The following NANP variants were observed in gnomAD, a reference collection of about 807,000 sequenced individuals.
NANP encodes the protein N-acylneuraminate-9-phosphatase.
A neutral mutation model predicts 16.9 loss-of-function variants in NANP; 15 were observed. The observed-to-expected ratio is 0.89, with a 90% CI of 0.59 to 1.37. The LOEUF is 1.37. Among genes scored for constraint, NANP ranks in the 40% most tolerant of loss-of-function variants. The pLI, the probability that NANP is intolerant of heterozygous loss-of-function variation, is 0.00. For missense variants in NANP, 290 were observed against 303.5 expected (o/e 0.96, Z 0.33); for synonymous variants, 135 against 112.6 (o/e 1.20, Z -1.26).
At chr20:25,618,321 C>T (rs182700063) in intron 1 of NANP, among the ~76,000 whole-genome samples, 147 of 151,998 alleles carry the variant, frequency 9.7e-4, no homozygotes, top group African/African-American at 3.4e-3. Context: ...GCAGAAAAAG[C>T]GGGTTTGGGA....
chr20:25,623,959 G>T lies in NANP; in HGVS notation c.-11C>A. 1.2e-6 allele frequency: 2 copies of T among 1,611,178 alleles called. No homozygotes were observed. The highest frequency in any genetic ancestry group is 1.7e-6 in the Non-Finnish European group (2 of 1,179,174). ...GCGGCTCAGCCCCATAGCGCCGGCC[G>T]CTGGCGCGAACCGTAGCCTTGCCAC... On this transcript the variant is annotated 5_prime_UTR_variant, in exon 1 of 2. Coordinates refer to ENST00000304788, the MANE Select transcript of NANP (RefSeq NM_152667.3).
rs1230661552 is a variant in NANP, at chr20:25,614,145, G to C, written c.*1780C>G. 3.5e-6 allele frequency: 1 copy of C among 287,580 alleles called. No homozygotes were observed. Among genetic ancestry groups the C allele is most frequent in the Non-Finnish European group, 6.4e-6 (1 of 157,238 alleles). The allele number at this position is 287,580 out of a possible 1,614,324, so 17.8% of individuals were successfully genotyped here. A position where few individuals can be genotyped will look rare whatever the true frequency, so the allele number is the denominator to read the frequency against. ...AAAATCTAGAGCGAAAAGTAAACAC[G>C]AAAGGGCATTTGCATGAGGCAGAGA... On this transcript the variant is annotated 3_prime_UTR_variant, in exon 2 of 2. Transcript: ENST00000304788.
chr20:25,613,508 G>GA lies in NANP; in HGVS notation c.*2416dup. ...GAGAAGGCCACTACAGGGAAACTTT[G>GA]AAAAAAAATAAAGATGACAAAACAT... On this transcript the variant is annotated 3_prime_UTR_variant, in exon 2 of 2. Coordinates refer to ENST00000304788, the MANE Select transcript of NANP (RefSeq NM_152667.3). 12 of 229,986 alleles carry GA rather than the reference G, an allele frequency of 5.2e-5. No individual in the cohort carries two copies. Among genetic ancestry groups the GA allele is most frequent in the Middle Eastern group, 1.4e-3 (1 of 712 alleles). The allele number at this position is 229,986 out of a possible 1,614,324, so 14.2% of individuals were successfully genotyped here.
chr20:25,617,491 G>A (rs910781118), intron 1 of NANP, among the ~76,000 whole-genome samples: 13 of 151,872 alleles, frequency 8.6e-5, no homozygotes, highest in Admixed American at 2.6e-4. Flanking sequence ...GATTACAGGC[G>A]TGAACCACTG....
rs1371729157 is a variant in NANP, at chr20:25,623,853, C to G, written c.90+6G>C. ...CCCAGAGGAGCGCCATGGGTGGGGACGTTACCTCCAACATGCCTCTCCTGC... is the reference window on the plus strand; with the variant it reads ...CCCAGAGGAGCGCCATGGGTGGGGAGGTTACCTCCAACATGCCTCTCCTGC... On this transcript the variant is annotated splice_donor_region_variant and intron_variant, in intron 1 of 1. Transcript: ENST00000304788. The G allele has an allele frequency of 1.2e-6, 2 of 1,612,466 alleles. No individual in the cohort carries two copies. Among genetic ancestry groups the G allele is most frequent in the Non-Finnish European group, 8.5e-7 (1 of 1,179,362 alleles).
chr20:25,622,863 G>A (rs1256274396), intron 1 of NANP, among the ~76,000 whole-genome samples: 2 of 152,178 alleles, frequency 1.3e-5, no homozygotes, highest in Non-Finnish European at 2.9e-5. Flanking sequence ...GGGAAAACAT[G>A]GCTGTCAAGA....
chr20:25,615,697 C>A lies in NANP; in HGVS notation c.*228G>T. The A allele has an allele frequency of 2.0e-6, 1 of 495,446 alleles. No homozygotes were observed. Among genetic ancestry groups the A allele is most frequent in the South Asian group, 3.5e-5 (1 of 28,316 alleles). The allele number at this position is 495,446 out of a possible 1,614,324, so 30.7% of individuals were successfully genotyped here. On this transcript the variant is annotated 3_prime_UTR_variant, in exon 2 of 2. Coordinates refer to ENST00000304788, the MANE Select transcript of NANP (RefSeq NM_152667.3). ...TCCTTAAATTTTCTGGGCTATACTA[C>A]TGACCTGAATTCATGCAATCTGAAT... is the stretch of plus-strand genomic sequence containing the variant.
intron 1 of NANP, among the ~76,000 whole-genome samples, chr20:25,622,338 C>T (rs1458783966): frequency 1.3e-5 from 2 of 152,190 alleles, no homozygotes; most frequent in Non-Finnish European, 2.9e-5. Context: ...TGAGTGGACA[C>T]TGCAACCATG....
intron 1 of NANP, among the ~76,000 whole-genome samples, chr20:25,620,587 G>A (rs1038377252): frequency 6.6e-6 from 1 of 152,218 alleles, no homozygotes; most frequent in Admixed American, 6.5e-5. Context: ...TAAGAAAAGT[G>A]TATTCTGAAT....
Position 25,616,218 on chromosome 20 carries a change from C to T in NANP, c.454G>A (p.Asp152Asn), listed in dbSNP as rs746516683. Reference sequence around the variant, plus strand: ...TGCTCTCCACCTACAACAACAGCGTCAAAATAGGACTGACAGGCACAAGCC... The same window carrying T: ...TGCTCTCCACCTACAACAACAGCGTTAAAATAGGACTGACAGGCACAAGCC... ...IEACACQSYF[D>N]AVVVGGEQRE... The change falls in exon 2 of 2, where the codon GAC becomes AAC. Residue 152 changes from aspartate (D) to asparagine (N), a missense_variant. Transcript: ENST00000304788. 1.2e-6 allele frequency: 2 copies of T among 1,614,044 alleles called. No individual in the cohort carries two copies. The highest frequency in any genetic ancestry group is 2.7e-5 in the African/African-American group (2 of 74,912).
chr20:25,616,141 G>A lies in NANP; in HGVS notation c.531C>T (p.Leu177=), dbSNP rs138863137. ...PSIFYYCCNL[L]GVQPGDCVMV... The stretch of plus-strand genomic sequence containing the variant: ...TCACACAGTCCCCAGGTTGTACTCC[G>A]AGAAGATTGCAGCAGTAATAAAATA... Residue 177 remains leucine, a synonymous_variant, in exon 2 of 2, where the codon CTC becomes CTT. Coordinates refer to ENST00000304788, the MANE Select transcript of NANP (RefSeq NM_152667.3). 1.2e-5 allele frequency: 20 copies of A among 1,614,092 alleles called. 1 individual carries two copies. Among genetic ancestry groups the A allele is most frequent in the Middle Eastern group, 1.6e-4 (1 of 6,062 alleles).
In NANP at chr20:25,615,259, T is replaced by C. The variant is rs1478491242; in HGVS notation, c.*666A>G. The C allele has an allele frequency of 6.6e-6, 1 of 152,266 alleles. No homozygotes were observed. The highest frequency in any genetic ancestry group is 6.6e-5 in the Admixed American group (1 of 15,232). The allele number at this position is 152,266 out of a possible 1,614,324, so 9.4% of individuals were successfully genotyped here. A position where few individuals can be genotyped will look rare whatever the true frequency, so the allele number is the denominator to read the frequency against. ...AGCACCATGTGTTGATTTTAACAGC[T>C]TTTTCTAACTGGAGGAATCTGTCAC... is the stretch of plus-strand genomic sequence containing the variant. On this transcript the variant is annotated 3_prime_UTR_variant, in exon 2 of 2. Transcript: ENST00000304788.
rs2065340848 is a variant in NANP, at chr20:25,615,842, T to C, written c.*83A>G. The C allele has an allele frequency of 1.5e-6, 2 of 1,301,444 alleles. No homozygotes were observed. Among genetic ancestry groups the C allele is most frequent in the East Asian group, 4.7e-5 (2 of 42,986 alleles). The allele number at this position is 1,301,444 out of a possible 1,614,324, so 80.6% of individuals were successfully genotyped here. A position where few individuals can be genotyped will look rare whatever the true frequency, so the allele number is the denominator to read the frequency against. On this transcript the variant is annotated 3_prime_UTR_variant, in exon 2 of 2. Coordinates refer to ENST00000304788, the MANE Select transcript of NANP (RefSeq NM_152667.3). Reference sequence around the variant, plus strand: ...TAAAATTATTCTTAGAGCTGGATTATCATAAGTGGAGTGCCCTAACTTTTC... The same window carrying C: ...TAAAATTATTCTTAGAGCTGGATTACCATAAGTGGAGTGCCCTAACTTTTC...
At position 25,614,766 on chromosome 20, in the gene NANP, T is replaced by A. The variant is rs2065335808; in HGVS notation, c.*1159A>T. On this transcript the variant is annotated 3_prime_UTR_variant, in exon 2 of 2. Transcript: ENST00000304788. ...ACTTTAGGAGGCTGAGGTGGGAGGA[T>A]CACTTGAATCCAGGAATTCGAGACC... 6.6e-6 allele frequency: 1 copy of A among 151,986 alleles called. No individual in the cohort carries two copies. The highest frequency in any genetic ancestry group is 6.6e-5 in the Admixed American group (1 of 15,238). The allele number at this position is 151,986 out of a possible 1,614,324, so 9.4% of individuals were successfully genotyped here.
chr20:25,619,964 C>T (rs886787383), intron 1 of NANP, among the ~76,000 whole-genome samples: 5 of 152,200 alleles, frequency 3.3e-5, no homozygotes, highest in South Asian at 2.1e-4. Flanking sequence ...TGGTATGCCA[C>T]GCCCAAGTTT....
rs965811509 is a variant in NANP, at chr20:25,614,425, C to T, written c.*1500G>A. On this transcript the variant is annotated 3_prime_UTR_variant, in exon 2 of 2. Transcript: ENST00000304788. ...ACTTTCTTTTTTTTCAACCACTTTA[C>T]TCCAGGTTTGGTTAGTATAATCATG... is the stretch of plus-strand genomic sequence containing the variant. 6.6e-6 allele frequency: 1 copy of T among 152,156 alleles called. No homozygotes were observed. The highest frequency in any genetic ancestry group is 2.4e-5 in the African/African-American group (1 of 41,430). 9.4% of individuals were successfully genotyped at this position (152,156 alleles called of 1,614,324 possible). A position where few individuals can be genotyped will look rare whatever the true frequency, so the allele number is the denominator to read the frequency against.
At chr20:25,616,673 C>A in intron 1 of NANP, 92 bp from the exon 2 acceptor site, 1 of 967,578 alleles carries the variant, frequency 1.0e-6, no homozygotes, top group South Asian at 1.7e-5. Context: ...CTGAGAGAGT[C>A]CAACTCCACT....
chr20:25,619,754 A>C (rs1187168486), intron 1 of NANP, among the ~76,000 whole-genome samples: 1 of 152,212 alleles, frequency 6.6e-6, no homozygotes, highest in Non-Finnish European at 1.5e-5. Context: ...GTGCAAGGAC[A>C]CATGCCTCTA....
intron 1 of NANP, 31 bp downstream of exon 1, chr20:25,623,828 C>G: frequency 1.9e-6 from 3 of 1,603,104 alleles, no homozygotes; most frequent in Non-Finnish European, 2.6e-6. Context: ...ACTGACCCCG[C>G]CCAGAGGAGC....
Sources: allele counts gnomAD v4.1 joint callset (sites outside exome capture counted in the v4.1 genomes callset), GRCh38; gene constraint gnomAD v4.1.1; transcripts MANE v1.5; gene names NCBI Gene and HGNC (gene_info 2026-07-23, HGNC 2026-07-21).